SAP130: variants seen among roughly 807,000 people sequenced by gnomAD.
SAP130 encodes the protein histone deacetylase complex subunit SAP130.
Under a neutral mutation model 103.2 loss-of-function variants are expected in SAP130, and 16 were observed. The ratio of observed to expected loss-of-function variants is 0.16; its 90% confidence interval spans 0.10 to 0.24. The LOEUF is 0.24. Ranked by LOEUF, SAP130 falls within the 10% of genes least tolerant of loss-of-function variation. SAP130 has a pLI of 1.00. For missense variants in SAP130, 990 were observed against 1,359.7 expected, an observed-to-expected ratio of 0.73 and a Z score of 4.28; for synonymous variants, 477 against 497.0, an observed-to-expected ratio of 0.96 and a Z score of 0.53.
intron 14 of SAP130, among the ~76,000 whole-genome samples, chr2:127,979,261 A>G (rs1170790226): frequency 2.0e-5 from 3 of 152,214 alleles, no homozygotes; most frequent in African/African-American, 7.2e-5. Context: ...AGCCAGCACA[A>G]GTGGATTCTC....
chr2:127,949,920 A>G lies in SAP130; in HGVS notation c.2746T>C (p.Trp916Arg). Residue 916 changes from tryptophan (W) to arginine (R), a missense_variant, in exon 18 of 21, where the codon TGG becomes CGG. By Grantham distance (101) the Trp-to-Arg change is moderately radical (BLOSUM62 -3). This residue lies in a region of SAP130 where 61 missense variants were observed against 73.8 expected (regional missense o/e 0.83). Coordinates refer to ENST00000643581, the MANE Select transcript of SAP130 (RefSeq NM_001330301.2). ...ITLLRHYRNP[W>R]KAAYHHFQRY... ...TGAAAGTGGTGGTAAGCAGCTTTCCAGGGGTTCCGATAGTGACGAAGCAAA... is the reference window on the plus strand; with the variant it reads ...TGAAAGTGGTGGTAAGCAGCTTTCCGGGGGTTCCGATAGTGACGAAGCAAA... The G allele has an allele frequency of 6.2e-7, 1 of 1,614,194 alleles. No homozygotes were observed. Among genetic ancestry groups the G allele is most frequent in the South Asian group, 1.1e-5 (1 of 91,080 alleles).
chr2:128,005,745 C>T lies in SAP130; in HGVS notation c.869+4524G>A, dbSNP rs551713157. Among the ~76,000 whole-genome samples, 18 of 151,834 alleles carry T rather than the reference C, an allele frequency of 1.2e-4. No individual in the cohort carries two copies. In the East Asian group the frequency reaches 3.5e-3, roughly 30 times the overall value. On this transcript the variant is annotated intron_variant, in intron 7 of 20. Transcript: ENST00000643581. ...CACTGCAACCTCCGCCTCCCAGGTT[C>T]AAGCGATTCTCCCGCCTCAGCTTCC... is the stretch of plus-strand genomic sequence containing the variant.
In SAP130 at chr2:127,989,405, A is replaced by T. The variant is rs983709006; in HGVS notation, c.1780+159T>A. 1.3e-5 allele frequency among the ~76,000 whole-genome samples: 2 copies of T among 152,092 alleles called. No individual in the cohort carries two copies. Among genetic ancestry groups the T allele is most frequent in the African/African-American group, 4.8e-5 (2 of 41,400 alleles). On this transcript the variant is annotated intron_variant, in intron 13 of 20. Coordinates refer to ENST00000643581, the MANE Select transcript of SAP130 (RefSeq NM_001330301.2). This position sits in a 1 kb window ranked among gnomAD's most constrained non-coding sequence, Gnocchi z 4.6. ...TATATTATTTCTAACGTTTACAGTGACCCTGAAACTCTAAGTTCTAAGCAA... is the reference window on the plus strand; with the variant it reads ...TATATTATTTCTAACGTTTACAGTGTCCCTGAAACTCTAAGTTCTAAGCAA...
At chr2:128,019,985 A>G (rs1342365819) in intron 2 of SAP130, among the ~76,000 whole-genome samples, 1 of 152,200 alleles carries the variant, frequency 6.6e-6, no homozygotes, top group African/African-American at 2.4e-5. Context: ...TTTCCAAAAT[A>G]ATTTTTTTTC....
At chr2:128,027,882 A>T (rs948686201) in intron 1 of SAP130, 58 bp downstream of exon 1, 9 of 965,778 alleles carry the variant, frequency 9.3e-6, no homozygotes, top group Non-Finnish European at 1.1e-5. Context: ...AGCCCGGCTC[A>T]GCCGCCCCGC....
chr2:128,005,620 A>G (rs1024048949), intron 7 of SAP130, among the ~76,000 whole-genome samples: 4 of 151,966 alleles, frequency 2.6e-5, no homozygotes, highest in Admixed American at 2.6e-4. Context: ...AGAAAAAAAA[A>G]CAAACAAACT....
Position 128,027,079 on chromosome 2 carries a change from T to A in SAP130, c.-6-781A>T, listed in dbSNP as rs557732593. 5.6e-5 allele frequency: 80 copies of A among 1,441,184 alleles called. No homozygotes were observed. In the East Asian group the frequency reaches 1.7e-3, roughly 31 times the overall value. The allele number at this position is 1,441,184 out of a possible 1,614,324, so 89.3% of individuals were successfully genotyped here. ...GGGGACCCGACCACAAGACGAGCAC[T>A]GTGCCTCTTTACCTGTAGCCGCCGC... On this transcript the variant is annotated intron_variant, in intron 1 of 20. Coordinates refer to ENST00000643581, the MANE Select transcript of SAP130 (RefSeq NM_001330301.2).
intron 16 of SAP130, among the ~76,000 whole-genome samples, chr2:127,950,755 G>C (rs1187105183): frequency 6.6e-6 from 1 of 152,230 alleles, no homozygotes; most frequent in African/African-American, 2.4e-5. Flanking sequence ...GGGAGAGAGA[G>C]AGCAGGTGTG....
intron 16 of SAP130, among the ~76,000 whole-genome samples, chr2:127,950,842 G>A (rs576752690): frequency 8.5e-4 from 129 of 152,326 alleles, no homozygotes; most frequent in Admixed American, 1.4e-3. Context: ...TGAATTAAGA[G>A]CATGAAGGTC....
chr2:127,950,099 C>G (rs1679388747), intron 17 of SAP130, 61 bp downstream of exon 17: 1 of 1,609,790 alleles, frequency 6.2e-7, no homozygotes, highest in African/African-American at 1.3e-5. Context: ...TAACGAGCCT[C>G]TGGGTTGGAC....
intron 4 of SAP130, 71 bp from the exon 5 acceptor site, chr2:128,014,985 C>T: frequency 8.0e-7 from 1 of 1,254,658 alleles, no homozygotes; most frequent in Non-Finnish European, 1.1e-6. Context: ...AAGTCACCTG[C>T]CTCCAAATGT....
In SAP130 at chr2:127,942,235, CT is replaced by C; in HGVS notation, c.3016-72del. On this transcript the variant is annotated intron_variant, in intron 20 of 20. Coordinates refer to ENST00000643581, the MANE Select transcript of SAP130 (RefSeq NM_001330301.2). The surrounding 1 kb of genome is among the most constrained non-coding windows in gnomAD (Gnocchi z 4.8). Reference sequence around the variant, plus strand: ...GTACAGCTTTTAAAAAACTGCTTGCCTTTGGGCAGAGGCCATGTTGAGGCTT... The same window carrying C: ...GTACAGCTTTTAAAAAACTGCTTGCCTTGGGCAGAGGCCATGTTGAGGCTT... 6.9e-7 allele frequency: 1 copy of C among 1,444,238 alleles called. No individual in the cohort carries two copies. Among genetic ancestry groups the C allele is most frequent in the African/African-American group, 1.4e-5 (1 of 70,566 alleles). The allele number at this position is 1,444,238 out of a possible 1,614,324, so 89.5% of individuals were successfully genotyped here. A position where few individuals can be genotyped will look rare whatever the true frequency, so the allele number is the denominator to read the frequency against.
chr2:128,006,086 T>A (rs1683956877), intron 7 of SAP130, among the ~76,000 whole-genome samples: 1 of 149,538 alleles, frequency 6.7e-6, no homozygotes. Flanking sequence ...TTGTAAGCGG[T>A]TAAAAAAAAA....
chr2:128,016,355 GT>G (rs772837444), intron 4 of SAP130, 33 bp downstream of exon 4: 1 of 1,597,388 alleles, frequency 6.3e-7, no homozygotes, highest in South Asian at 1.1e-5. Flanking sequence ...TGGCATTTCA[GT>G]TTGAAAATCA....
In SAP130 at chr2:127,945,660, A is replaced by T. The variant is rs1679026837; in HGVS notation, c.2798-101T>A. 11 of 661,950 alleles carry T rather than the reference A, an allele frequency of 1.7e-5. No individual in the cohort carries two copies. In the South Asian group the frequency reaches 2.0e-4, roughly 12 times the overall value. 41.0% of individuals were successfully genotyped at this position (661,950 alleles called of 1,614,324 possible). A position where few individuals can be genotyped will look rare whatever the true frequency, so the allele number is the denominator to read the frequency against. On this transcript the variant is annotated intron_variant, in intron 18 of 20. Transcript: ENST00000643581. ...ATGCCATTATTTTAACAAGAATTTT[A>T]TTTTTTTTTTGAGACAGTGTCTGGC...
intron 15 of SAP130, among the ~76,000 whole-genome samples, chr2:127,970,274 G>T (rs1680982744): frequency 6.7e-6 from 1 of 150,126 alleles, no homozygotes; most frequent in Non-Finnish European, 1.5e-5. Context: ...CAGGTACAGT[G>T]GCTCATGCCT....
chr2:128,016,865 A>G (rs1279011332), intron 3 of SAP130, among the ~76,000 whole-genome samples: 2 of 152,212 alleles, frequency 1.3e-5, no homozygotes, highest in Admixed American at 1.3e-4. Context: ...CTGCCTCCCA[A>G]GTTTGGGTGG....
intron 16 of SAP130, 26 bp from the exon 17 acceptor site, chr2:127,950,434 A>T: frequency 6.2e-7 from 1 of 1,611,524 alleles, no homozygotes; most frequent in Non-Finnish European, 8.5e-7. Flanking sequence ...GAGCACACAT[A>T]TCTGTAAGAA....
In SAP130 at chr2:128,016,440, A is replaced by G. The variant is rs1286907905; in HGVS notation, c.456T>C (p.Ser152=). ...VPGQVTVTME[S]SIPQASAIPV... ...GAATGGCTGAAGCTTGAGGGATGCTACTCTCCATGGTAACGGTAACCTGCC... is the reference window on the plus strand; with the variant it reads ...GAATGGCTGAAGCTTGAGGGATGCTGCTCTCCATGGTAACGGTAACCTGCC... Residue 152 remains serine (S), a synonymous_variant, in exon 4 of 21, where the codon AGT becomes AGC. Transcript: ENST00000643581. 1 of 1,613,810 alleles carries G rather than the reference A, an allele frequency of 6.2e-7. No individual in the cohort carries two copies. Among genetic ancestry groups the G allele is most frequent in the Non-Finnish European group, 8.5e-7 (1 of 1,179,976 alleles).
Sources: allele counts gnomAD v4.1 joint callset (sites outside exome capture counted in the v4.1 genomes callset), GRCh38; gene constraint gnomAD v4.1.1; regional missense constraint gnomAD v4.1.1; non-coding constraint Gnocchi (gnomAD v3.1); transcripts MANE v1.5; gene names NCBI Gene and HGNC (gene_info 2026-07-23, HGNC 2026-07-21).